Variants in NEK10 observed in about 807,000 individuals in gnomAD.
The protein encoded by NEK10 is serine/threonine-protein kinase Nek10.
In NEK10, 122 loss-of-function variants were observed where a neutral mutation model predicts 159.8. The ratio of observed to expected loss-of-function variants is 0.76; its 90% CI spans 0.66 to 0.89. NEK10 has a LOEUF of 0.89. Ranked by LOEUF, NEK10 falls within the 40% of genes least tolerant of loss-of-function variation. The pLI, the probability that NEK10 is intolerant of heterozygous loss-of-function variation, is 0.00. For synonymous variants in NEK10, 466 were observed against 457.1 expected (o/e 1.02, Z -0.25); for missense variants, 1,342 against 1,323.1 (o/e 1.01, Z -0.22).
At chr3:27,230,953 A>T (rs1398360284) in intron 23 of NEK10, among the ~76,000 whole-genome samples, 2 of 151,986 alleles carry the variant, frequency 1.3e-5, no homozygotes. Context: ...TAGACAGATC[A>T]TCAAGACAGA....
intron 8 of NEK10, 182 bp from the exon 9 acceptor site, chr3:27,311,198 C>T (rs942976496): frequency 2.2e-5 from 10 of 464,502 alleles, no homozygotes; most frequent in African/African-American, 1.8e-4. Flanking sequence ...ACTCCTCAAG[C>T]TCCACTGGTA....
chr3:27,336,867 T>C (rs2149739913), intron 5 of NEK10, among the ~76,000 whole-genome samples: 1 of 152,200 alleles, frequency 6.6e-6, no homozygotes, highest in East Asian at 1.9e-4. Context: ...AGAGGCCATA[T>C]AGAAAAATAT....
intron 23 of NEK10, among the ~76,000 whole-genome samples, chr3:27,224,012 G>T (rs1038239582): frequency 6.6e-6 from 1 of 152,206 alleles, no homozygotes; most frequent in South Asian, 2.1e-4. Flanking sequence ...ATCTTGTTTG[G>T]AAAGAGGATC....
rs1939401027 is a variant in NEK10, at chr3:27,110,507, G to A, written c.*765C>T. 6.6e-6 allele frequency: 1 copy of A among 151,986 alleles called. No homozygotes were observed. The allele number at this position is 151,986 out of a possible 1,614,324, so 9.4% of individuals were successfully genotyped here. A position where few individuals can be genotyped will look rare whatever the true frequency, so the allele number is the denominator to read the frequency against. On this transcript the variant is annotated 3_prime_UTR_variant, in exon 36 of 36. Coordinates refer to ENST00000691995, the MANE Select transcript of NEK10 (RefSeq NM_001394966.1). ...TCTAAAAATACTATAAGTTTGATTA[G>A]CAGCAAAGCATTAGTCTAATCAAAA...
At chr3:27,363,825 G>A (rs1302105355) in intron 1 of NEK10, 2 of 152,138 alleles carry the variant, frequency 1.3e-5, no homozygotes, top group African/African-American at 4.8e-5. Flanking sequence ...CTGGGAATGT[G>A]AATTCTTCTG....
intron 22 of NEK10, among the ~76,000 whole-genome samples, chr3:27,257,534 T>C (rs1033380086): frequency 1.3e-5 from 2 of 152,160 alleles, no homozygotes; most frequent in Non-Finnish European, 2.9e-5. Context: ...TAATAAAAAT[T>C]CGCATTATTA....
chr3:27,365,965 A>T (rs759765592), intron 1 of NEK10, among the ~76,000 whole-genome samples: 3 of 152,092 alleles, frequency 2.0e-5, no homozygotes, highest in Non-Finnish European at 4.4e-5. Flanking sequence ...ACTTTCATCT[A>T]GAAGATGAAA....
chr3:27,337,147 C>A (rs867406790), intron 5 of NEK10, among the ~76,000 whole-genome samples: 1 of 152,084 alleles, frequency 6.6e-6, no homozygotes, highest in African/African-American at 2.4e-5. Flanking sequence ...AATCAACCTA[C>A]AAAAATCAGT....
At chr3:27,239,149 A>G (rs1169829406) in intron 23 of NEK10, among the ~76,000 whole-genome samples, 1 of 152,118 alleles carries the variant, frequency 6.6e-6, no homozygotes, top group Admixed American at 6.6e-5. Flanking sequence ...TTAATGCATA[A>G]TTCTCACAAT....
rs773753208 is a variant in NEK10, at chr3:27,297,184, C to A, written c.1225G>T (p.Val409Phe). The change falls in exon 14 of 36, where the codon GTT (valine) becomes TTT (phenylalanine). Residue 409 changes from valine (V) to phenylalanine (F), a missense_variant. By Grantham distance (50) the Val-to-Phe change is conservative. Coordinates refer to ENST00000691995, the MANE Select transcript of NEK10 (RefSeq NM_001394966.1). ...TTGAGAAGGAGTGCTCTCACCTGAA[C>A]CACCTGGTGGGCATTGGTGTCATTG... ...VLNDTNAHQV[V>F]QENGVYTIAK... 1 of 1,611,392 alleles carries A rather than the reference C, an allele frequency of 6.2e-7. No homozygotes were observed. Among genetic ancestry groups the A allele is most frequent in the Non-Finnish European group, 8.5e-7 (1 of 1,177,540 alleles).
chr3:27,120,466 G>A (rs1423925683), intron 32 of NEK10, among the ~76,000 whole-genome samples: 1 of 150,934 alleles, frequency 6.6e-6, no homozygotes, highest in Non-Finnish European at 1.5e-5. Context: ...GGGATTATAG[G>A]CACCCACCAC....
At chr3:27,368,590 G>C (rs1265210074) in intron 1 of NEK10, among the ~76,000 whole-genome samples, 1 of 152,192 alleles carries the variant, frequency 6.6e-6, no homozygotes, top group Non-Finnish European at 1.5e-5. Flanking sequence ...GTTTTTGAAA[G>C]CTGAATGGAT....
chr3:27,293,168 A>G (rs1248103631), intron 16 of NEK10, among the ~76,000 whole-genome samples: 1 of 152,146 alleles, frequency 6.6e-6, no homozygotes, highest in East Asian at 1.9e-4. Flanking sequence ...CACACAAAAA[A>G]ACAGTTTGTT....
chr3:27,262,879 C>A (rs1037224091), intron 22 of NEK10, among the ~76,000 whole-genome samples: 2 of 152,238 alleles, frequency 1.3e-5, no homozygotes, highest in Non-Finnish European at 2.9e-5. Context: ...TGGTGAGGAG[C>A]TGCATTCCTT....
chr3:27,202,587 C>G, intron 23 of NEK10, 30 bp from the exon 24 acceptor site: 1 of 1,543,532 alleles, frequency 6.5e-7, no homozygotes, highest in East Asian at 2.4e-5. Flanking sequence ...TTAATACATG[C>G]TAAGGAAGGG....
chr3:27,351,507 A>G (rs1254411274), intron 3 of NEK10, among the ~76,000 whole-genome samples: 2 of 152,180 alleles, frequency 1.3e-5, no homozygotes, highest in African/African-American at 4.8e-5. Context: ...TGGGAGTTGT[A>G]ATTATTAAGC....
At chr3:27,164,898 C>T (rs1486732575) in intron 29 of NEK10, among the ~76,000 whole-genome samples, 2 of 152,158 alleles carry the variant, frequency 1.3e-5, no homozygotes, top group African/African-American at 2.4e-5. Context: ...AAGAATCTAA[C>T]GTTTCAAACA....
At chr3:27,255,229 A>G (rs987677635) in intron 23 of NEK10, 2 of 381,152 alleles carry the variant, frequency 5.2e-6, no homozygotes, top group South Asian at 2.1e-5. Flanking sequence ...GAGGATAAGT[A>G]GACATCATAT....
At chr3:27,256,705 A>G (rs1223686906) in intron 22 of NEK10, among the ~76,000 whole-genome samples, 1 of 152,152 alleles carries the variant, frequency 6.6e-6, no homozygotes. Flanking sequence ...GGTACACCCA[A>G]ATAAATACCA....
Sources: allele counts gnomAD v4.1 joint callset (sites outside exome capture counted in the v4.1 genomes callset), GRCh38; gene constraint gnomAD v4.1.1; transcripts MANE v1.5; gene names NCBI Gene and HGNC (gene_info 2026-07-23, HGNC 2026-07-21).